The following TAF4B variants were observed in gnomAD, a reference collection of about 807,000 sequenced individuals.
TAF4B encodes TATA-box binding protein associated factor 4b, also known as transcription initiation factor TFIID subunit 4B.
In TAF4B, 38 loss-of-function variants were observed where a neutral mutation model predicts 86.4. The observed-to-expected ratio is 0.44, with a 90% CI of 0.34 to 0.58. The LOEUF (loss-of-function observed/expected upper bound fraction) is 0.58. Ranked by LOEUF, TAF4B falls within the 20% of genes least tolerant of loss-of-function variation. The pLI is 0.02. For missense variants in TAF4B, 988 were observed against 1,027.6 expected, an observed-to-expected ratio of 0.96 and a Z score of 0.53; for synonymous variants, 388 against 391.2, an observed-to-expected ratio of 0.99 and a Z score of 0.10.
intron 13 of TAF4B, among the ~76,000 whole-genome samples, chr18:26,344,151 G>A (rs2057157664): frequency 6.6e-6 from 1 of 152,154 alleles, no homozygotes; most frequent in Non-Finnish European, 1.5e-5. Context: ...ACATTCAGCT[G>A]AATGAGCTGA....
chr18:26,251,547 G>A lies in TAF4B; in HGVS notation c.344-13623G>A, dbSNP rs796428282. On this transcript the variant is annotated intron_variant, in intron 1 of 14. Transcript: ENST00000269142. Reference sequence around the variant, plus strand: ...ATGTACCAAGTAGAGAGTGGACACTGGACCACGATACACTTTAATATCTTA... The same window carrying A: ...ATGTACCAAGTAGAGAGTGGACACTAGACCACGATACACTTTAATATCTTA... Among the ~76,000 whole-genome samples the A allele has an allele frequency of 3.1e-4, 47 of 152,222 alleles. 1 individual carries two copies. Among genetic ancestry groups the A allele is most frequent in the African/African-American group, 1.1e-3 (44 of 41,542 alleles).
chr18:26,334,400 T>C (rs1419486346), intron 12 of TAF4B, among the ~76,000 whole-genome samples: 2 of 152,230 alleles, frequency 1.3e-5, no homozygotes, highest in Admixed American at 1.3e-4. Flanking sequence ...CTCAGATTTA[T>C]AAGCAATTAA....
At chr18:26,241,477 T>G (rs1394366833) in intron 1 of TAF4B, among the ~76,000 whole-genome samples, 1 of 152,216 alleles carries the variant, frequency 6.6e-6, no homozygotes, top group Non-Finnish European at 1.5e-5. Context: ...TTCTCTCTTT[T>G]CTTCTTTATT....
intron 1 of TAF4B, 142 bp from the exon 2 acceptor site, chr18:26,265,028 G>A (rs2056218750): frequency 1.3e-6 from 1 of 776,646 alleles, no homozygotes; most frequent in Non-Finnish European, 1.9e-6. Context: ...GTTCATCTTT[G>A]TATATAAGTA....
At chr18:26,311,823 A>G (rs762456282) in intron 9 of TAF4B, among the ~76,000 whole-genome samples, 10 of 152,136 alleles carry the variant, frequency 6.6e-5, no homozygotes, top group Non-Finnish European at 1.0e-4. Context: ...ACAGGAAAAT[A>G]ACGTGACTGA....
At position 26,334,556 on chromosome 18, in the gene TAF4B, A is replaced by T. The variant is rs2057075694; in HGVS notation, c.2260-619A>T. Among the ~76,000 whole-genome samples, 3 of 152,160 alleles carry T rather than the reference A, an allele frequency of 2.0e-5. No individual in the cohort carries two copies. The South Asian group carries it at 6.2e-4, about 31-fold the overall frequency. On this transcript the variant is annotated intron_variant, in intron 12 of 14. Transcript: ENST00000269142. ...TAGAAAACAGCTCTCTTCTTATGCC[A>T]GTTCTGTATTATGGAAGGCGACATC...
chr18:26,264,160 C>T (rs563887974), intron 1 of TAF4B, among the ~76,000 whole-genome samples: 5 of 152,198 alleles, frequency 3.3e-5, no homozygotes, highest in South Asian at 2.1e-4. Flanking sequence ...ATTTGTCAGC[C>T]GGGTGCAGTG....
Position 26,242,156 on chromosome 18 carries a change from C to T in TAF4B, c.343+14880C>T, listed in dbSNP as rs538394600. Among the ~76,000 whole-genome samples the T allele has an allele frequency of 3.7e-4, 57 of 152,240 alleles. 1 individual carries two copies. Among genetic ancestry groups the T allele is most frequent in the Middle Eastern group, 3.4e-3 (1 of 294 alleles). ...GGATATCCTTGTTAACTTTCTGTCT[C>T]GTTGATCTGTCTAATGTTGACAGTG... On this transcript the variant is annotated intron_variant, in intron 1 of 14. Coordinates refer to ENST00000269142, the MANE Select transcript of TAF4B (RefSeq NM_005640.3).
chr18:26,332,611 C>T (rs1036668753), intron 12 of TAF4B, among the ~76,000 whole-genome samples: 12 of 152,108 alleles, frequency 7.9e-5, no homozygotes, highest in African/African-American at 2.9e-4. Flanking sequence ...CTCACTGCAA[C>T]TTCCGCCTCC....
chr18:26,367,007 T>C (rs2057376245), intron 14 of TAF4B, among the ~76,000 whole-genome samples: 1 of 152,160 alleles, frequency 6.6e-6, no homozygotes, highest in Non-Finnish European at 1.5e-5. Context: ...GTTCTATAAT[T>C]AGTAAGTAGA....
chr18:26,291,939 T>G (rs2056598531), intron 7 of TAF4B, among the ~76,000 whole-genome samples: 1 of 152,172 alleles, frequency 6.6e-6, no homozygotes, highest in South Asian at 2.1e-4. Flanking sequence ...ATCCTGTCTG[T>G]TTTTATACAT....
At chr18:26,388,771 T>C (rs967311020) in intron 14 of TAF4B, among the ~76,000 whole-genome samples, 9 of 152,204 alleles carry the variant, frequency 5.9e-5, no homozygotes, top group Non-Finnish European at 1.3e-4. Flanking sequence ...GTGGATAATA[T>C]AGCACAGTGG....
intron 9 of TAF4B, among the ~76,000 whole-genome samples, chr18:26,297,505 G>A (rs946849294): frequency 6.6e-6 from 1 of 152,162 alleles, no homozygotes; most frequent in Non-Finnish European, 1.5e-5. Flanking sequence ...TGCCCTGCAT[G>A]CTTTCCCCCT....
At chr18:26,372,798 G>C (rs138614762) in intron 14 of TAF4B, among the ~76,000 whole-genome samples, 3,818 of 150,716 alleles carry the variant, frequency 0.025, 80 homozygotes, top group South Asian at 0.035. Context: ...GTGAAACCCC[G>C]TCTCTACTAA....
At chr18:26,232,923 G>A (rs183345986) in intron 1 of TAF4B, among the ~76,000 whole-genome samples, 5 of 152,302 alleles carry the variant, frequency 3.3e-5, no homozygotes, top group Admixed American at 2.0e-4. Flanking sequence ...AACCCTATAA[G>A]TAGTGGTATT....
chr18:26,261,599 G>C (rs2056168727), intron 1 of TAF4B, among the ~76,000 whole-genome samples: 2 of 152,180 alleles, frequency 1.3e-5, no homozygotes, highest in African/African-American at 4.8e-5. Context: ...TCCACTCATT[G>C]CCAGCTGATT....
chr18:26,317,008 C>T (rs949800181), intron 10 of TAF4B, among the ~76,000 whole-genome samples: 4 of 147,642 alleles, frequency 2.7e-5, no homozygotes, highest in Admixed American at 2.1e-4. Context: ...TTAGTTTTAT[C>T]GGTCACCCTC....
Position 26,321,138 on chromosome 18 carries a change from C to T in TAF4B, c.2071C>T (p.Arg691Ter), listed in dbSNP as rs754217780. Reference protein sequence around the residue: ...VNLISQATQERLRGLLEKLTA... With the variant: ...VNLISQATQE ...CTTGATCTCCCAAGCAACACAGGAA[C>T]GACTACGAGGCCTTCTAGAAAAACT... The change falls in exon 11 of 15, where the codon CGA (arginine) becomes TGA (stop). Residue 691 changes from arginine to a stop codon, truncating the protein, a stop_gained. Coordinates refer to ENST00000269142, the MANE Select transcript of TAF4B (RefSeq NM_005640.3). LOFTEE classifies it high-confidence loss of function. 1 of 1,613,698 alleles carries T rather than the reference C, an allele frequency of 6.2e-7. No homozygotes were observed.
Position 26,226,933 on chromosome 18 carries a change from G to T in TAF4B, c.-1G>T. On this transcript the variant is annotated 5_prime_UTR_variant, in exon 1 of 15. Coordinates refer to ENST00000269142, the MANE Select transcript of TAF4B (RefSeq NM_005640.3). ...CAAAGCTGCCGCTGAGCCCCTGGGG[G>T]ATGCCCGCCGGCCTCACCGAACCCG... is the stretch of plus-strand genomic sequence containing the variant. 2 of 1,371,032 alleles carry T rather than the reference G, an allele frequency of 1.5e-6. No homozygotes were observed. Among genetic ancestry groups the T allele is most frequent in the Non-Finnish European group, 1.9e-6 (2 of 1,071,622 alleles). 84.9% of individuals were successfully genotyped at this position (1,371,032 alleles called of 1,614,324 possible).
Sources: gnomAD v4.1 joint callset for allele counts (sites outside exome capture counted in the v4.1 genomes callset) on GRCh38, gnomAD v4.1.1 for gene constraint, MANE v1.5 for transcripts, NCBI Gene and HGNC (gene_info 2026-07-23, HGNC 2026-07-21) for gene names.